The following MAN1A1 variants were observed in gnomAD, a reference collection of about 807,000 sequenced individuals.
MAN1A1 encodes the protein mannosidase alpha class 1A member 1, also known as mannosyl-oligosaccharide 1,2-alpha-mannosidase IA.
A neutral mutation model predicts 70.8 loss-of-function variants in MAN1A1; 29 were observed. That is an observed-to-expected ratio of 0.41 (90% CI 0.31 to 0.56). MAN1A1 has a LOEUF of 0.56. MAN1A1 is among the 20% of genes least tolerant of loss of function. The probability of loss-of-function intolerance (pLI) is 0.29; values close to 1 mark genes in which losing one functional copy is unlikely to be tolerated. For missense variants in MAN1A1, 747 were observed against 841.3 expected, an observed-to-expected ratio of 0.89 and a Z score of 1.39; for synonymous variants, 349 against 330.1, an observed-to-expected ratio of 1.06 and a Z score of -0.62.
At chr6:119,238,214 A>G (rs1292847374) in intron 6 of MAN1A1, among the ~76,000 whole-genome samples, 2 of 152,224 alleles carry the variant, frequency 1.3e-5, no homozygotes, top group Admixed American at 1.3e-4. Context: ...TTCTCAGTGA[A>G]GAGATAACAC....
chr6:119,302,475 G>A (rs936603142), intron 3 of MAN1A1, among the ~76,000 whole-genome samples: 5 of 151,640 alleles, frequency 3.3e-5, no homozygotes, highest in African/African-American at 9.7e-5. Flanking sequence ...TCCACCTCCC[G>A]GGTTCAAGTG....
chr6:119,179,983 C>CT (rs1326005137), intron 12 of MAN1A1, 38 bp from the exon 13 acceptor site: 1 of 1,605,794 alleles, frequency 6.2e-7, no homozygotes, highest in African/African-American at 1.3e-5. Context: ...GCCCAAGACA[C>CT]TAGGCAGGCA....
intron 2 of MAN1A1, among the ~76,000 whole-genome samples, chr6:119,316,943 T>C (rs1299301631): frequency 6.7e-6 from 1 of 148,184 alleles, no homozygotes; most frequent in Non-Finnish European, 1.5e-5. Flanking sequence ...TTTTTTATTA[T>C]TATTATTCTT....
intron 6 of MAN1A1, among the ~76,000 whole-genome samples, chr6:119,205,745 C>T (rs1279767551): frequency 1.3e-5 from 2 of 152,178 alleles, no homozygotes; most frequent in Non-Finnish European, 2.9e-5. Context: ...GAATAAAGTT[C>T]GTTATTCTCC....
intron 5 of MAN1A1, among the ~76,000 whole-genome samples, chr6:119,257,604 A>C (rs1480916949): frequency 6.6e-6 from 1 of 152,222 alleles, no homozygotes; most frequent in South Asian, 2.1e-4. Context: ...TCAAGAAGAA[A>C]GTATATGCTT....
At chr6:119,275,522 G>A (rs1776036844) in intron 5 of MAN1A1, among the ~76,000 whole-genome samples, 1 of 148,694 alleles carries the variant, frequency 6.7e-6, no homozygotes, top group East Asian at 1.9e-4. Flanking sequence ...TAGCCGGGAT[G>A]GTCTTGATCT....
intron 6 of MAN1A1, among the ~76,000 whole-genome samples, chr6:119,229,817 A>G (rs1255926379): frequency 1.3e-5 from 2 of 152,228 alleles, no homozygotes; most frequent in African/African-American, 4.8e-5. Flanking sequence ...TTTTTTGGTA[A>G]CTGGACTCAT....
chr6:119,315,072 A>G (rs1209248273), intron 2 of MAN1A1, among the ~76,000 whole-genome samples: 3 of 152,042 alleles, frequency 2.0e-5, no homozygotes, highest in Non-Finnish European at 4.4e-5. Flanking sequence ...TTTCTGTATT[A>G]CTCGACTTCT....
At chr6:119,256,017 T>C (rs946849246) in intron 5 of MAN1A1, among the ~76,000 whole-genome samples, 1 of 152,234 alleles carries the variant, frequency 6.6e-6, no homozygotes, top group Non-Finnish European at 1.5e-5. Context: ...CTTCAGGCAA[T>C]TAGATGAGAA....
At chr6:119,319,404 TCA>T (rs1466336187) in intron 2 of MAN1A1, among the ~76,000 whole-genome samples, 3 of 150,766 alleles carry the variant, frequency 2.0e-5, no homozygotes, top group Non-Finnish European at 4.4e-5. Flanking sequence ...ATCATCATCA[TCA>T]TTCATTCTAT....
chr6:119,268,095 G>A (rs1775808883), intron 5 of MAN1A1, among the ~76,000 whole-genome samples: 1 of 152,178 alleles, frequency 6.6e-6, no homozygotes, highest in South Asian at 2.1e-4. Flanking sequence ...GGTGACCATG[G>A]TCCAGATCCA....
intron 5 of MAN1A1, among the ~76,000 whole-genome samples, chr6:119,276,616 C>T (rs901880942): frequency 2.6e-5 from 4 of 152,126 alleles, no homozygotes; most frequent in African/African-American, 9.7e-5. Flanking sequence ...GCCTTAATAG[C>T]TAAACCTAAA....
intron 4 of MAN1A1, among the ~76,000 whole-genome samples, chr6:119,296,989 G>C (rs1772233764): frequency 6.6e-6 from 1 of 152,164 alleles, no homozygotes; most frequent in African/African-American, 2.4e-5. Flanking sequence ...ATAAGAAATT[G>C]TTATCTGGAG....
intron 5 of MAN1A1, among the ~76,000 whole-genome samples, chr6:119,252,339 G>A (rs1775339614): frequency 6.6e-6 from 1 of 152,136 alleles, no homozygotes; most frequent in Non-Finnish European, 1.5e-5. Flanking sequence ...TTTATTTTAT[G>A]TTGATTTTAG....
upstream of MAN1A1, chr6:119,350,467 A>C: frequency 5.2e-6 from 5 of 954,968 alleles, no homozygotes; most frequent in Non-Finnish European, 6.2e-6. Context: ...CCCAAAAAAC[A>C]AAAAACCGAA....
rs9481908 is a variant in MAN1A1 at position 119,315,681 on chromosome 6, T to G, written c.604-8689A>C. 2.9e-3 allele frequency among the ~76,000 whole-genome samples: 440 copies of G among 152,304 alleles called. 2 individuals carry two copies. Among genetic ancestry groups the G allele is most frequent in the African/African-American group, 0.01 (424 of 41,572 alleles). ...TTCTAAGGGATTATAATTTAGCAAC[T>G]CAAAAGTTAGAGGTCAGAAAAGGGC... On this transcript the variant is annotated intron_variant, in intron 2 of 12. Transcript: ENST00000368468.
intron 2 of MAN1A1, among the ~76,000 whole-genome samples, chr6:119,330,505 C>G (rs975271496): frequency 6.6e-6 from 1 of 152,160 alleles, no homozygotes; most frequent in Non-Finnish European, 1.5e-5. Context: ...TTAGGCCATC[C>G]TCATCTCTCA....
intron 6 of MAN1A1, among the ~76,000 whole-genome samples, chr6:119,211,648 A>C (rs371448982): frequency 6.6e-6 from 1 of 152,188 alleles, no homozygotes; most frequent in Admixed American, 6.5e-5. Context: ...TTACCATCAC[A>C]AATTTGCAAT....
intron 2 of MAN1A1, chr6:119,332,035 A>G (rs1176957982): frequency 2.1e-6 from 1 of 465,990 alleles, no homozygotes; most frequent in African/African-American, 2.0e-5. Flanking sequence ...ATAATGTCAA[A>G]TACCCATATT....
Sources: gnomAD v4.1 joint callset for allele counts (sites outside exome capture counted in the v4.1 genomes callset) on GRCh38, gnomAD v4.1.1 for gene constraint, MANE v1.5 for transcripts, NCBI Gene and HGNC (gene_info 2026-07-23, HGNC 2026-07-21) for gene names.